The following FHAD1 variants were observed in gnomAD, a reference collection of about 807,000 sequenced individuals.
The protein encoded by FHAD1 is forkhead associated phosphopeptide binding domain 1, also known as forkhead-associated domain-containing protein 1.
FHAD1 carries 146 observed loss-of-function variants against 191.3 expected under a neutral mutation model. The observed-to-expected ratio is 0.76, with a 90% CI of 0.67 to 0.88. The LOEUF (loss-of-function observed/expected upper bound fraction) is 0.88, where lower values mean the gene tolerates loss of function less well. Ranked by LOEUF, FHAD1 falls within the 40% of genes least tolerant of loss-of-function variation. The probability of loss-of-function intolerance (pLI) is 0.00; values close to 1 mark genes in which losing one functional copy is unlikely to be tolerated. For missense variants in FHAD1, 1,635 were observed against 1,785.8 expected (o/e 0.92, Z 1.52); for synonymous variants, 616 against 672.3 (o/e 0.92, Z 1.29).
chr1:15,267,654 A>G (rs1654102121), intron 2 of FHAD1, among the ~76,000 whole-genome samples: 1 of 151,832 alleles, frequency 6.6e-6, no homozygotes, highest in African/African-American at 2.4e-5. Context: ...CAGATCATCT[A>G]TTCCTCCTTG....
chr1:15,285,491 C>G (rs1365286253), intron 3 of FHAD1, among the ~76,000 whole-genome samples: 1 of 152,200 alleles, frequency 6.6e-6, no homozygotes, highest in Non-Finnish European at 1.5e-5. Flanking sequence ...CGAGATCACG[C>G]CACTGCACTC....
Position 15,316,520 on chromosome 1 carries a change from C to T in FHAD1, c.1260+53C>T. 1 of 1,466,840 alleles carries T rather than the reference C, an allele frequency of 6.8e-7. No individual in the cohort carries two copies. Among genetic ancestry groups the T allele is most frequent in the Non-Finnish European group, 9.3e-7 (1 of 1,072,270 alleles). The allele number at this position is 1,466,840 out of a possible 1,614,324, so 90.9% of individuals were successfully genotyped here. A position where few individuals can be genotyped will look rare whatever the true frequency, so the allele number is the denominator to read the frequency against. ...ACCACCAGAAAAAACAGAGTTTGAC[C>T]TTGAGGTTCTTGGTGGGATCCTGGG... On this transcript the variant is annotated intron_variant, in intron 9 of 33. Transcript: ENST00000688493. This position sits in a 1 kb window ranked among gnomAD's most constrained non-coding sequence, Gnocchi z 4.3.
chr1:15,342,696 G>C (rs1043032963), intron 16 of FHAD1, among the ~76,000 whole-genome samples: 2 of 152,174 alleles, frequency 1.3e-5, no homozygotes, highest in South Asian at 2.1e-4. Flanking sequence ...GTCTTGCTCT[G>C]TTGCCCAGGC....
Position 15,329,513 on chromosome 1 carries a change from C to A in FHAD1, c.1878C>A (p.Leu626=). The A allele has an allele frequency of 6.4e-7, 1 of 1,550,796 alleles. No homozygotes were observed. The highest frequency in any genetic ancestry group is 8.7e-7 in the Non-Finnish European group (1 of 1,146,834). The change falls in exon 14 of 34, where the codon CTC becomes CTA. Residue 626 remains leucine, a synonymous_variant. Transcript: ENST00000688493. The surrounding 1 kb of genome is among the most constrained non-coding windows in gnomAD (Gnocchi z 5.0). ...LEEVEQLLRD[L]GILPSSPNKG... is the part of the protein sequence containing the mutation. The stretch of plus-strand genomic sequence containing the variant: ...AGGTGGAGCAGCTCCTCCGGGACCT[C>A]GGGATCCTGCCCTCCAGCCCCAACA...
chr1:15,246,763 T>G (rs1752019), upstream of FHAD1, among the ~76,000 whole-genome samples: 132,452 of 152,052 alleles, frequency 0.87, 57,870 homozygotes, highest in East Asian at 0.97. Flanking sequence ...TTTCAAAATT[T>G]TTCATTCCAC....
At chr1:15,367,108 G>T (rs915054368) in intron 24 of FHAD1, among the ~76,000 whole-genome samples, 1 of 152,122 alleles carries the variant, frequency 6.6e-6, no homozygotes, top group Non-Finnish European at 1.5e-5. Context: ...CCAAGTTCAC[G>T]GGAGATGTTG....
At chr1:15,252,759 G>A (rs1040761760) in intron 2 of FHAD1, among the ~76,000 whole-genome samples, 6 of 152,224 alleles carry the variant, frequency 3.9e-5, no homozygotes, top group Admixed American at 6.5e-5. Context: ...TCCAAGCCCC[G>A]GGCTTAGCCT....
At position 15,240,648 on chromosome 1, in the gene FHAD1, G is replaced by A. The variant is rs72642377; in HGVS notation, c.-15+3887G>A. Among the ~76,000 whole-genome samples the A allele has an allele frequency of 8.7e-3, 917 of 104,818 alleles. 17 individuals carry two copies. Among genetic ancestry groups the A allele is most frequent in the South Asian group, 0.017 (49 of 2,908 alleles). 68.8% of individuals were successfully genotyped at this position (104,818 alleles called of 152,430 possible). A position where few individuals can be genotyped will look rare whatever the true frequency, so the allele number is the denominator to read the frequency against. Reference sequence around the variant, plus strand: ...CCTGTCTCAAAAAAAAAAAAAAAAAGAAAGAAAAAGAAAAAAGAAAGCAGA... The same window carrying A: ...CCTGTCTCAAAAAAAAAAAAAAAAAAAAAGAAAAAGAAAAAAGAAAGCAGA... On this transcript the variant is annotated intron_variant, in intron 1 of 33. Transcript: ENST00000683790.
chr1:15,373,125 G>A (rs1194236302), intron 26 of FHAD1, among the ~76,000 whole-genome samples: 4 of 152,162 alleles, frequency 2.6e-5, no homozygotes, highest in Non-Finnish European at 4.4e-5. Context: ...CCCTCTGGAC[G>A]TTGTATGCAA....
At chr1:15,246,858 T>C (rs1202130546), upstream of FHAD1, among the ~76,000 whole-genome samples, 2 of 152,058 alleles carry the variant, frequency 1.3e-5, no homozygotes, top group East Asian at 3.9e-4. Context: ...CGGAAAGGAC[T>C]AGAGATTTGG....
chr1:15,373,228 C>T (rs1044727120), intron 26 of FHAD1, among the ~76,000 whole-genome samples: 4 of 152,200 alleles, frequency 2.6e-5, no homozygotes, highest in South Asian at 4.2e-4. Context: ...ATGAAAAAGA[C>T]GGCTGGGCAC....
Position 15,316,560 on chromosome 1 carries a change from G to A in FHAD1, c.1260+93G>A, listed in dbSNP as rs1337506921. On this transcript the variant is annotated intron_variant, in intron 9 of 33. Transcript: ENST00000688493. The surrounding 1 kb of genome is among the most constrained non-coding windows in gnomAD (Gnocchi z 4.3). Reference sequence around the variant, plus strand: ...GGGATCCTGGGCCATCACTAAGCATGAAGCTCTGGGGCTCTGTGCTTGCTT... The same window carrying A: ...GGGATCCTGGGCCATCACTAAGCATAAAGCTCTGGGGCTCTGTGCTTGCTT... 1.0e-6 allele frequency: 1 copy of A among 1,001,090 alleles called. No homozygotes were observed. The highest frequency in any genetic ancestry group is 1.5e-6 in the Non-Finnish European group (1 of 658,510). The allele number at this position is 1,001,090 out of a possible 1,614,324, so 62.0% of individuals were successfully genotyped here. A position where few individuals can be genotyped will look rare whatever the true frequency, so the allele number is the denominator to read the frequency against.
intron 9 of FHAD1, 92 bp from the exon 10 acceptor site, chr1:15,317,732 A>C: frequency 1.3e-6 from 1 of 753,302 alleles, no homozygotes; most frequent in Non-Finnish European, 2.2e-6. Context: ...AATGGATGGG[A>C]TGCCAGGGGA....
intron 6 of FHAD1, among the ~76,000 whole-genome samples, chr1:15,303,848 C>CAAAAAAAAAAAAAAAAAAAA (rs765601462): frequency 2.9e-5 from 3 of 104,430 alleles, no homozygotes; most frequent in African/African-American, 9.5e-5. Context: ...GACTCTGTCT[C>CAAAAAAAAAAAAAAAAAAAA]AAAAAAAAAA....
At chr1:15,286,594 T>C (rs1302237189) in intron 3 of FHAD1, among the ~76,000 whole-genome samples, 1 of 152,238 alleles carries the variant, frequency 6.6e-6, no homozygotes, top group Non-Finnish European at 1.5e-5. Context: ...CCCAGTTCTC[T>C]GTGGCTAGAG....
intron 2 of FHAD1, among the ~76,000 whole-genome samples, chr1:15,261,285 C>A (rs1340555030): frequency 6.6e-6 from 1 of 152,076 alleles, no homozygotes; most frequent in African/African-American, 2.4e-5. Flanking sequence ...TCACGTATGA[C>A]GGGCACAGAG....
intron 22 of FHAD1, among the ~76,000 whole-genome samples, chr1:15,361,928 C>T (rs150227258): frequency 1.3e-4 from 19 of 151,678 alleles, no homozygotes; most frequent in African/African-American, 4.6e-4. Context: ...CGCTTGAACC[C>T]GGGAGGCGGA....
Position 15,272,446 on chromosome 1 carries a change from G to T in FHAD1, c.217G>T (p.Ala73Ser), listed in dbSNP as rs1166252631. The change falls in exon 3 of 34, where the codon GCT (alanine) becomes TCT (serine). Residue 73 changes from alanine to serine, a missense_variant. Transcript: ENST00000688493. ...CAACGAGTGCCACATTCAAAACGTGGCTGTGAAGCTCATCCCTGGAGACAT... is the reference window on the plus strand; with the variant it reads ...CAACGAGTGCCACATTCAAAACGTGTCTGTGAAGCTCATCCCTGGAGACAT... ...FVNECHIQNV[A>S]VKLIPGDILR... The T allele has an allele frequency of 2.6e-6, 4 of 1,551,422 alleles. No individual in the cohort carries two copies. Among genetic ancestry groups the T allele is most frequent in the East Asian group, 4.9e-5 (2 of 40,928 alleles).
chr1:15,324,899 C>T (rs576222397), intron 11 of FHAD1: 17 of 321,988 alleles, frequency 5.3e-5, no homozygotes, highest in Admixed American at 2.5e-4. Flanking sequence ...TTAGTCCTGA[C>T]ATTTACCACA....
Sources: allele counts gnomAD v4.1 joint callset (sites outside exome capture counted in the v4.1 genomes callset), GRCh38; gene constraint gnomAD v4.1.1; non-coding constraint Gnocchi (gnomAD v3.1); transcripts MANE v1.5; gene names NCBI Gene and HGNC (gene_info 2026-07-23, HGNC 2026-07-21).